Variants in STK32B observed in about 807,000 individuals in gnomAD.
STK32B encodes the protein serine/threonine-protein kinase 32B.
Under a neutral mutation model 52.6 loss-of-function variants are expected in STK32B, and 43 were observed. The ratio of observed to expected loss-of-function variants is 0.82; its 90% CI spans 0.64 to 1.05. STK32B has a LOEUF of 1.05. STK32B is among the 50% of genes least tolerant of loss of function. The probability of loss-of-function intolerance (pLI) is 0.00; values close to 1 mark genes in which losing one functional copy is unlikely to be tolerated. For synonymous variants in STK32B, 238 were observed against 204.3 expected (o/e 1.17, Z -1.41); for missense variants, 621 against 534.6 (o/e 1.16, Z -1.59).
chr4:5,377,623 C>T (rs1046901104), intron 4 of STK32B, among the ~76,000 whole-genome samples: 4 of 152,284 alleles, frequency 2.6e-5, no homozygotes, highest in East Asian at 1.9e-4. Context: ...ATAATCCCCA[C>T]GTGTCAAGGG....
chr4:5,500,624 A>C lies in STK32B; in HGVS notation c.*1541A>C, dbSNP rs1336110935. The C allele has an allele frequency of 6.6e-6, 1 of 152,196 alleles. No homozygotes were observed. Among genetic ancestry groups the C allele is most frequent in the East Asian group, 1.9e-4 (1 of 5,198 alleles). 9.4% of individuals were successfully genotyped at this position (152,196 alleles called of 1,614,324 possible). A position where few individuals can be genotyped will look rare whatever the true frequency, so the allele number is the denominator to read the frequency against. On this transcript the variant is annotated 3_prime_UTR_variant, in exon 12 of 12. Transcript: ENST00000282908. Reference sequence around the variant, plus strand: ...TCCATGTCATCTCTTAGATTTCTTAAAAGACATTTTAATGTATGGTTAGGT... The same window carrying C: ...TCCATGTCATCTCTTAGATTTCTTACAAGACATTTTAATGTATGGTTAGGT...
chr4:5,330,322 A>G (rs1732148046), intron 3 of STK32B, among the ~76,000 whole-genome samples: 1 of 152,218 alleles, frequency 6.6e-6, no homozygotes, highest in African/African-American at 2.4e-5. Flanking sequence ...GTGATGCTAT[A>G]CTACAATTGT....
chr4:5,094,475 A>C (rs1282705869), intron 1 of STK32B, among the ~76,000 whole-genome samples: 1 of 152,132 alleles, frequency 6.6e-6, no homozygotes, highest in African/African-American at 2.4e-5. Flanking sequence ...CAATATAGCC[A>C]GATATTGTCT....
intron 11 of STK32B, among the ~76,000 whole-genome samples, chr4:5,474,587 T>C (rs1718095132): frequency 6.6e-6 from 1 of 152,144 alleles, no homozygotes. Context: ...TGCTGGGAAG[T>C]AGCAAACTTC....
chr4:5,091,199 A>G (rs2108783713), intron 1 of STK32B, among the ~76,000 whole-genome samples: 1 of 152,306 alleles, frequency 6.6e-6, no homozygotes. Context: ...AAAACACAGT[A>G]ACAAAAAAGT....
chr4:5,133,819 G>C (rs1452300929), intron 1 of STK32B, among the ~76,000 whole-genome samples: 1 of 152,130 alleles, frequency 6.6e-6, no homozygotes, highest in Non-Finnish European at 1.5e-5. Context: ...TTGCCCTTTT[G>C]CTACGTCACT....
chr4:5,222,252 G>T (rs1723584707), intron 3 of STK32B, among the ~76,000 whole-genome samples: 2 of 152,196 alleles, frequency 1.3e-5, no homozygotes, highest in South Asian at 4.1e-4. Flanking sequence ...CAAGAGTGGG[G>T]TGTTACTATG....
rs80268145 is a variant in STK32B, at chr4:5,063,258, G to A, written c.52+11343G>A. ...TGCTCTACATCAGCACTGTTCTATA[G>A]AAATGTGACTCAGTCGACAAATGTG... is the stretch of plus-strand genomic sequence containing the variant. On this transcript the variant is annotated intron_variant, in intron 1 of 11. Transcript: ENST00000282908. Among the ~76,000 whole-genome samples, 188 of 152,312 alleles carry A rather than the reference G, an allele frequency of 1.2e-3. 1 individual carries two copies. The East Asian group carries it at 0.02, about 16-fold the overall frequency.
chr4:5,240,285 A>G (rs1724932276), intron 3 of STK32B, among the ~76,000 whole-genome samples: 1 of 151,464 alleles, frequency 6.6e-6, no homozygotes, highest in African/African-American at 2.4e-5. Flanking sequence ...CCAATCTTGA[A>G]TCTTTTTTTT....
the STK32B span, among the ~76,000 whole-genome samples, chr4:5,037,252 G>C: frequency 6.6e-6 from 1 of 152,152 alleles, no homozygotes; most frequent in East Asian, 1.9e-4. Context: ...CTGGGTGGGG[G>C]ATCACCCCTG....
the STK32B span, among the ~76,000 whole-genome samples, chr4:5,031,851 A>G: frequency 3.3e-5 from 5 of 152,144 alleles, no homozygotes; most frequent in Non-Finnish European, 1.5e-5. Context: ...TGAGGATTTA[A>G]GTGGAGGCCC....
intron 1 of STK32B, among the ~76,000 whole-genome samples, chr4:5,075,723 CTTA>C (rs1388577858): frequency 6.6e-6 from 1 of 151,524 alleles, no homozygotes; most frequent in Non-Finnish European, 1.5e-5. Flanking sequence ...TGATAGATTT[CTTA>C]TTGTTCTCTT....
At chr4:5,165,823 C>T (rs990307258) in intron 2 of STK32B, among the ~76,000 whole-genome samples, 3 of 152,148 alleles carry the variant, frequency 2.0e-5, no homozygotes, top group African/African-American at 4.8e-5. Flanking sequence ...GACCTCATGC[C>T]GTAAATTTTA....
intron 2 of STK32B, among the ~76,000 whole-genome samples, chr4:5,155,471 C>T (rs1235883157): frequency 6.6e-6 from 1 of 152,078 alleles, no homozygotes; most frequent in East Asian, 1.9e-4. Context: ...GTACATATAC[C>T]TACCTATCAT....
At chr4:5,140,123 G>T in intron 2 of STK32B, 163 bp downstream of exon 2, 1 of 1,398,658 alleles carries the variant, frequency 7.1e-7, no homozygotes, top group Non-Finnish European at 1.0e-6. Flanking sequence ...TTGCGATCTG[G>T]TGTAATTTTC....
chr4:5,369,009 C>G (rs1735058102), intron 4 of STK32B, among the ~76,000 whole-genome samples: 1 of 151,982 alleles, frequency 6.6e-6, no homozygotes, highest in South Asian at 2.1e-4. Flanking sequence ...CAGAGCTGTC[C>G]ACATCGCACC....
At chr4:5,184,180 G>T (rs1382275322) in intron 3 of STK32B, among the ~76,000 whole-genome samples, 1 of 152,092 alleles carries the variant, frequency 6.6e-6, no homozygotes, top group African/African-American at 2.4e-5. Context: ...TCTGGCTTTT[G>T]ATTTAAATTG....
intron 3 of STK32B, among the ~76,000 whole-genome samples, chr4:5,323,662 TTGAC>T (rs1256419709): frequency 1.3e-5 from 2 of 152,216 alleles, no homozygotes; most frequent in African/African-American, 2.4e-5. Context: ...GTAGACATCA[TTGAC>T]TGACCCAATG....
Position 5,492,602 on chromosome 4 carries a change from C to A in STK32B, c.1107-6343C>A, listed in dbSNP as rs1432433051. 2.0e-5 allele frequency among the ~76,000 whole-genome samples: 3 copies of A among 149,718 alleles called. No homozygotes were observed. The East Asian group carries it at 5.8e-4, about 29-fold the overall frequency. ...TGCCTAATTGCCCTGGCCAGAACTTCCAACACTATGTTGAATAGGAGTGGT... is the reference window on the plus strand; with the variant it reads ...TGCCTAATTGCCCTGGCCAGAACTTACAACACTATGTTGAATAGGAGTGGT... On this transcript the variant is annotated intron_variant, in intron 11 of 11. Coordinates refer to ENST00000282908, the MANE Select transcript of STK32B (RefSeq NM_018401.3).
Sources: allele counts gnomAD v4.1 joint callset (sites outside exome capture counted in the v4.1 genomes callset), GRCh38; gene constraint gnomAD v4.1.1; transcripts MANE v1.5; gene names NCBI Gene and HGNC (gene_info 2026-07-23, HGNC 2026-07-21).